Variants in THSD7B observed in about 807,000 individuals in gnomAD.
THSD7B encodes the protein thrombospondin type 1 domain containing 7B.
THSD7B carries 138 observed loss-of-function variants against 213.6 expected under a neutral mutation model. The observed-to-expected ratio is 0.65, with a 90% confidence interval of 0.56 to 0.74. The LOEUF is 0.74. Among genes scored for constraint, THSD7B ranks in the 30% least tolerant of loss-of-function variants. The pLI is 0.00. For missense variants in THSD7B, 1,931 were observed against 1,991.5 expected, an observed-to-expected ratio of 0.97 and a Z score of 0.58; for synonymous variants, 742 against 687.0, an observed-to-expected ratio of 1.08 and a Z score of -1.25.
intron 12 of THSD7B, among the ~76,000 whole-genome samples, chr2:137,311,125 T>C (rs1683894243): frequency 1.3e-5 from 2 of 151,408 alleles, no homozygotes; most frequent in Non-Finnish European, 2.9e-5. Context: ...TATTGATTCT[T>C]CCTACCCATG....
intron 1 of THSD7B, among the ~76,000 whole-genome samples, chr2:136,793,739 T>C (rs929077199): frequency 6.6e-6 from 1 of 151,964 alleles, no homozygotes; most frequent in Non-Finnish European, 1.5e-5. Context: ...ATTTATTTTC[T>C]TGTAATATCC....
chr2:137,410,490 A>G (rs1390357496), intron 13 of THSD7B, among the ~76,000 whole-genome samples: 1 of 152,084 alleles, frequency 6.6e-6, no homozygotes, highest in Non-Finnish European at 1.5e-5. Flanking sequence ...TCTGGTCTCG[A>G]ACTCCTGATC....
At chr2:137,486,340 G>T (rs1007629857) in intron 15 of THSD7B, among the ~76,000 whole-genome samples, 20 of 147,234 alleles carry the variant, frequency 1.4e-4, no homozygotes, top group African/African-American at 5.0e-4. Context: ...GGCAGGAGTT[G>T]CAATCCTAGT....
intron 2 of THSD7B, among the ~76,000 whole-genome samples, chr2:136,906,784 A>G (rs1558847200): frequency 1.3e-5 from 2 of 152,030 alleles, no homozygotes; most frequent in Admixed American, 6.6e-5. Flanking sequence ...ATTTTCACTC[A>G]AGTAGTTATG....
chr2:137,653,768 A>T (rs1158695859), intron 21 of THSD7B, among the ~76,000 whole-genome samples: 3 of 150,644 alleles, frequency 2.0e-5, no homozygotes, highest in Non-Finnish European at 4.4e-5. Flanking sequence ...TCTATTTTTT[A>T]AAATTATTAT....
At chr2:136,815,833 G>A (rs1158027329) in intron 1 of THSD7B, among the ~76,000 whole-genome samples, 4 of 152,118 alleles carry the variant, frequency 2.6e-5, no homozygotes, top group African/African-American at 9.7e-5. Context: ...CTGAAAGTGA[G>A]AATCTTCTTC....
rs112423198 is a variant in THSD7B at position 137,612,809 on chromosome 2, TGAGA to T, written c.3424-3363_3424-3360del. On this transcript the variant is annotated intron_variant, in intron 17 of 27. Coordinates refer to ENST00000409968, the MANE Select transcript of THSD7B (RefSeq NM_001316349.2). ...ATAATCTTACATTTTCCAAGAACAA[TGAGA>T]GAAAGATTGTTTTAACTTCTTCAAA... is the stretch of plus-strand genomic sequence containing the variant. 6.2e-3 allele frequency among the ~76,000 whole-genome samples: 951 copies of T among 152,236 alleles called. 13 individuals carry two copies. Among genetic ancestry groups the T allele is most frequent in the African/African-American group, 0.022 (912 of 41,556 alleles).
intron 1 of THSD7B, among the ~76,000 whole-genome samples, chr2:136,789,826 A>G (rs1359161703): frequency 6.6e-6 from 1 of 152,164 alleles, no homozygotes; most frequent in Non-Finnish European, 1.5e-5. Flanking sequence ...CAAAGTTAAA[A>G]TGGATACCAC....
At chr2:137,338,219 G>T (rs749109719) in intron 12 of THSD7B, among the ~76,000 whole-genome samples, 5 of 152,002 alleles carry the variant, frequency 3.3e-5, no homozygotes, top group African/African-American at 9.7e-5. Flanking sequence ...GGCCAGGTAG[G>T]CTTGCTCATA....
intron 15 of THSD7B, among the ~76,000 whole-genome samples, chr2:137,525,845 C>T (rs982727369): frequency 6.6e-6 from 1 of 152,064 alleles, no homozygotes; most frequent in Non-Finnish European, 1.5e-5. Flanking sequence ...TCCCTCTGTT[C>T]CTATCTCTTA....
chr2:136,796,163 G>A (rs1056205338), intron 1 of THSD7B, among the ~76,000 whole-genome samples: 5 of 150,996 alleles, frequency 3.3e-5, no homozygotes, highest in South Asian at 2.1e-4. Context: ...AGTAGTTTCC[G>A]TAGGACCTCT....
At chr2:137,449,398 A>G (rs1687604475) in intron 14 of THSD7B, among the ~76,000 whole-genome samples, 1 of 152,234 alleles carries the variant, frequency 6.6e-6, no homozygotes, top group Non-Finnish European at 1.5e-5. Context: ...TTCACATCTC[A>G]AAACAACCTT....
At chr2:136,898,880 A>G (rs1214684325) in intron 2 of THSD7B, among the ~76,000 whole-genome samples, 1 of 151,758 alleles carries the variant, frequency 6.6e-6, no homozygotes, top group African/African-American at 2.4e-5. Flanking sequence ...TGACCTCGTG[A>G]TCTGCCCACC....
chr2:137,092,704 G>A (rs867587303), intron 3 of THSD7B, among the ~76,000 whole-genome samples: 17 of 151,896 alleles, frequency 1.1e-4, no homozygotes, highest in Non-Finnish European at 2.2e-4. Flanking sequence ...GTGCAGTCTC[G>A]GCTCACTATA....
At chr2:137,504,014 A>G (rs1679775593) in intron 15 of THSD7B, among the ~76,000 whole-genome samples, 1 of 149,212 alleles carries the variant, frequency 6.7e-6, no homozygotes, top group Non-Finnish European at 1.5e-5. Flanking sequence ...CGACAGAGTG[A>G]GACTCCATCT....
At chr2:137,404,486 C>T (rs1224494590) in intron 12 of THSD7B, among the ~76,000 whole-genome samples, 40 of 138,216 alleles carry the variant, frequency 2.9e-4, no homozygotes, top group South Asian at 7.0e-4. Context: ...CACACACACA[C>T]ACACACACAC....
At chr2:137,244,097 G>A (rs1222066677) in intron 10 of THSD7B, among the ~76,000 whole-genome samples, 2 of 152,164 alleles carry the variant, frequency 1.3e-5, no homozygotes, top group South Asian at 2.1e-4. Context: ...GGATAGAAAA[G>A]CTTCTGTCTC....
At chr2:136,866,299 C>A (rs1683331478) in intron 1 of THSD7B, among the ~76,000 whole-genome samples, 1 of 151,968 alleles carries the variant, frequency 6.6e-6, no homozygotes, top group Non-Finnish European at 1.5e-5. Context: ...AGGCTTTATT[C>A]CCGCAGACAT....
At chr2:137,069,415 G>C (rs1687438621) in intron 3 of THSD7B, among the ~76,000 whole-genome samples, 1 of 151,966 alleles carries the variant, frequency 6.6e-6, no homozygotes, top group African/African-American at 2.4e-5. Flanking sequence ...AAATAGGAAA[G>C]TGATTCATAC....
Sources: gnomAD v4.1 joint callset for allele counts (sites outside exome capture counted in the v4.1 genomes callset) on GRCh38, gnomAD v4.1.1 for gene constraint, MANE v1.5 for transcripts, NCBI Gene and HGNC (gene_info 2026-07-23, HGNC 2026-07-21) for gene names.